The following GDAP2 variants were observed in gnomAD, a reference collection of about 807,000 sequenced individuals.
GDAP2 encodes the protein ganglioside-induced differentiation-associated protein 2.
Under a neutral mutation model 67.0 loss-of-function variants are expected in GDAP2, and 51 were observed. That is an observed-to-expected ratio of 0.76 (90% CI 0.61 to 0.96). The LOEUF is 0.96. Ranked by LOEUF, GDAP2 falls within the 40% of genes least tolerant of loss-of-function variation. The pLI is 0.00. For synonymous variants in GDAP2, 203 were observed against 207.3 expected, an observed-to-expected ratio of 0.98 and a Z score of 0.18; for missense variants, 547 against 588.3, an observed-to-expected ratio of 0.93 and a Z score of 0.73.
At chr1:117,880,574 A>C (rs1648617613) in intron 12 of GDAP2, among the ~76,000 whole-genome samples, 1 of 152,202 alleles carries the variant, frequency 6.6e-6, no homozygotes, top group African/African-American at 2.4e-5. Context: ...TTGGTAGATA[A>C]TTTGGATCCA....
chr1:117,872,239 G>A (rs967874181), intron 13 of GDAP2, among the ~76,000 whole-genome samples: 4 of 152,184 alleles, frequency 2.6e-5, no homozygotes, highest in African/African-American at 7.2e-5. Flanking sequence ...CACACTGTTG[G>A]TGGGAATGTA....
At chr1:117,897,534 A>C (rs1649308029) in intron 7 of GDAP2, among the ~76,000 whole-genome samples, 1 of 152,228 alleles carries the variant, frequency 6.6e-6, no homozygotes, top group African/African-American at 2.4e-5. Context: ...ATACCAACCT[A>C]GTTATTTTGG....
intron 6 of GDAP2, among the ~76,000 whole-genome samples, chr1:117,900,266 C>T (rs532734760): frequency 1.1e-4 from 16 of 152,222 alleles, no homozygotes; most frequent in African/African-American, 3.9e-4. Context: ...CAGGTGTACA[C>T]CACCATACCC....
At chr1:117,896,158 T>C (rs1326037159) in intron 8 of GDAP2, among the ~76,000 whole-genome samples, 9 of 152,214 alleles carry the variant, frequency 5.9e-5, no homozygotes, top group Admixed American at 5.2e-4. Flanking sequence ...CCTCATTTAA[T>C]GCTCACAAAA....
chr1:117,879,370 G>A (rs1648574302), intron 12 of GDAP2, among the ~76,000 whole-genome samples: 1 of 152,036 alleles, frequency 6.6e-6, no homozygotes, highest in Non-Finnish European at 1.5e-5. Context: ...GAGTACATGA[G>A]GAGTTCTGTT....
chr1:117,886,253 T>C (rs1648848818), intron 10 of GDAP2, among the ~76,000 whole-genome samples: 2 of 152,178 alleles, frequency 1.3e-5, no homozygotes, highest in Admixed American at 1.3e-4. Context: ...TAATTTTTCT[T>C]TTTTCAAAAA....
chr1:117,906,408 T>C (rs1570985235), intron 6 of GDAP2, 98 bp downstream of exon 6: 2 of 679,476 alleles, frequency 2.9e-6, no homozygotes, highest in East Asian at 2.5e-5. Context: ...TCATTAGGAT[T>C]TGTCTGCTGG....
At chr1:117,887,116 G>A (rs1648883263) in intron 9 of GDAP2, among the ~76,000 whole-genome samples, 1 of 151,906 alleles carries the variant, frequency 6.6e-6, no homozygotes, top group South Asian at 2.1e-4. Flanking sequence ...ATTTTGTAGA[G>A]ATGGGGTCTC....
intron 5 of GDAP2, among the ~76,000 whole-genome samples, chr1:117,909,548 A>T (rs1258699046): frequency 1.3e-5 from 2 of 152,350 alleles, no homozygotes; most frequent in South Asian, 4.1e-4. Context: ...ACAAAAGTGT[A>T]TAAGCCATTT....
At chr1:117,905,134 G>A (rs1401255159) in intron 6 of GDAP2, among the ~76,000 whole-genome samples, 1 of 152,112 alleles carries the variant, frequency 6.6e-6, no homozygotes, top group Non-Finnish European at 1.5e-5. Flanking sequence ...GTGGAGTACT[G>A]CAACCACCTG....
At chr1:117,905,724 G>T (rs2101147184) in intron 6 of GDAP2, among the ~76,000 whole-genome samples, 1 of 152,256 alleles carries the variant, frequency 6.6e-6, no homozygotes, top group Non-Finnish European at 1.5e-5. Flanking sequence ...ATCACTGGAA[G>T]ATTCTATGTA....
intron 10 of GDAP2, among the ~76,000 whole-genome samples, chr1:117,883,897 C>T (rs545051232): frequency 6.6e-6 from 1 of 152,268 alleles, no homozygotes; most frequent in African/African-American, 2.4e-5. Context: ...AACAATCAGT[C>T]TCTATCCTCT....
At position 117,868,438 on chromosome 1, in the gene GDAP2, T is replaced by A. The variant is rs1343678748; in HGVS notation, c.*2131A>T. 6.6e-6 allele frequency: 1 copy of A among 152,222 alleles called. No homozygotes were observed. The highest frequency in any genetic ancestry group is 1.5e-5 in the Non-Finnish European group (1 of 68,040). The allele number at this position is 152,222 out of a possible 1,614,324, so 9.4% of individuals were successfully genotyped here. On this transcript the variant is annotated 3_prime_UTR_variant, in exon 14 of 14. Coordinates refer to ENST00000369443, the MANE Select transcript of GDAP2 (RefSeq NM_017686.4). ...AGCATATGTAGAATCCTGCTTGTGTTACTAAACATTAATATACTGGTATGA... is the reference window on the plus strand; with the variant it reads ...AGCATATGTAGAATCCTGCTTGTGTAACTAAACATTAATATACTGGTATGA...
chr1:117,892,386 G>GT (rs1649117465), intron 8 of GDAP2, among the ~76,000 whole-genome samples: 2 of 151,866 alleles, frequency 1.3e-5, no homozygotes, highest in African/African-American at 2.4e-5. Flanking sequence ...TTGCTATAGT[G>GT]TTTTGTTTTG....
rs1448428853 is a variant in GDAP2, at chr1:117,868,617, T to C, written c.*1952A>G. 2.6e-5 allele frequency: 4 copies of C among 152,164 alleles called. No homozygotes were observed. Among genetic ancestry groups the C allele is most frequent in the Non-Finnish European group, 5.9e-5 (4 of 68,040 alleles). 9.4% of individuals were successfully genotyped at this position (152,164 alleles called of 1,614,324 possible). On this transcript the variant is annotated 3_prime_UTR_variant, in exon 14 of 14. Coordinates refer to ENST00000369443, the MANE Select transcript of GDAP2 (RefSeq NM_017686.4). ...TTCTTGAGGTAGCCAAGTTCCCCTT[T>C]AACAAAGAAAAGTTGGCAGACTTTC...
chr1:117,915,403 A>C (rs1385069640), intron 3 of GDAP2, among the ~76,000 whole-genome samples: 1 of 152,210 alleles, frequency 6.6e-6, no homozygotes, highest in African/African-American at 2.4e-5. Flanking sequence ...ATTAATAAAC[A>C]TAACAAAAAG....
chr1:117,890,250 C>G (rs1649022567), intron 8 of GDAP2, among the ~76,000 whole-genome samples: 1 of 151,906 alleles, frequency 6.6e-6, no homozygotes, highest in South Asian at 2.1e-4. Context: ...AACAAATGCT[C>G]CCTTCTTTGT....
At chr1:117,919,904 G>C (rs970446875) in intron 2 of GDAP2, among the ~76,000 whole-genome samples, 1 of 151,948 alleles carries the variant, frequency 6.6e-6, no homozygotes, top group Non-Finnish European at 1.5e-5. Flanking sequence ...AGGGCAGGAA[G>C]GAGGAATTAC....
chr1:117,886,987 A>T (rs1163970714), intron 9 of GDAP2, among the ~76,000 whole-genome samples: 10 of 152,048 alleles, frequency 6.6e-5, no homozygotes. Flanking sequence ...CAGTGGTGTG[A>T]TCATAGCTTA....
Sources: allele counts gnomAD v4.1 joint callset (sites outside exome capture counted in the v4.1 genomes callset), GRCh38; gene constraint gnomAD v4.1.1; transcripts MANE v1.5; gene names NCBI Gene and HGNC (gene_info 2026-07-23, HGNC 2026-07-21).